The following SLC29A3 variants were observed in gnomAD, a reference collection of about 807,000 sequenced individuals.
SLC29A3 encodes the protein solute carrier family 29 member 3.
In SLC29A3, 18 loss-of-function variants were observed where a neutral mutation model predicts 25.4. The ratio of observed to expected loss-of-function variants is 0.71; its 90% CI spans 0.49 to 1.05. The LOEUF is 1.05. SLC29A3 is among the 50% of genes least tolerant of loss of function. SLC29A3 has a pLI of 0.00. For synonymous variants in SLC29A3, 258 were observed against 267.1 expected (o/e 0.97, Z 0.33); for missense variants, 586 against 609.0 (o/e 0.96, Z 0.40).
intron 4 of SLC29A3, among the ~76,000 whole-genome samples, chr10:71,377,416 A>T (rs909291890): frequency 7.2e-5 from 11 of 152,248 alleles, no homozygotes; most frequent in South Asian, 2.1e-4. Context: ...TCCTAGAGCC[A>T]GGGACTGGAC....
chr10:71,326,529 T>C (rs1845975669), intron 2 of SLC29A3, among the ~76,000 whole-genome samples: 1 of 152,222 alleles, frequency 6.6e-6, no homozygotes, highest in African/African-American at 2.4e-5. Context: ...TCACCTGGCC[T>C]ACTGGGCTTC....
intron 2 of SLC29A3, among the ~76,000 whole-genome samples, chr10:71,326,479 A>G (rs938360276): frequency 9.2e-5 from 14 of 152,144 alleles, no homozygotes; most frequent in Admixed American, 7.2e-4. Context: ...TTTATTTACC[A>G]GTGACTCCAA....
chr10:71,355,413 G>A (rs369024430), intron 4 of SLC29A3, among the ~76,000 whole-genome samples: 2 of 152,214 alleles, frequency 1.3e-5, no homozygotes, highest in African/African-American at 4.8e-5. Flanking sequence ...GGGTGGTTGC[G>A]TGCTTGTGTG....
chr10:71,321,030 CT>C (rs1845836039), intron 1 of SLC29A3, among the ~76,000 whole-genome samples: 1 of 152,152 alleles, frequency 6.6e-6, no homozygotes, highest in African/African-American at 2.4e-5. Flanking sequence ...CCTCAGACCC[CT>C]CTGTGAAATG....
chr10:71,325,040 G>A (rs915779608), intron 2 of SLC29A3, among the ~76,000 whole-genome samples: 6 of 152,170 alleles, frequency 3.9e-5, no homozygotes, highest in Non-Finnish European at 7.4e-5. Flanking sequence ...GACAAATGCC[G>A]AGATGAGATG....
chr10:71,362,103 T>C lies in SLC29A3; in HGVS notation c.923T>C (p.Leu308Pro), dbSNP rs1847072978. 3 of 1,614,182 alleles carry C rather than the reference T, an allele frequency of 1.9e-6. No homozygotes were observed. Among genetic ancestry groups the C allele is most frequent in the Non-Finnish European group, 2.5e-6 (3 of 1,180,020 alleles). ...LRPILKKTAS[L>P]GFCVTYVFFI... Reference sequence around the variant, plus strand: ...CCCATCCTGAAGAAGACGGCCAGCCTGGGCTTCTGTGTCACCTACGTCTTC... The same window carrying C: ...CCCATCCTGAAGAAGACGGCCAGCCCGGGCTTCTGTGTCACCTACGTCTTC... The change falls in exon 6 of 6, where the codon CTG (leucine) becomes CCG (proline). Residue 308 changes from leucine to proline, a missense_variant. Physicochemically the swap from Leu to Pro is moderately conservative, Grantham distance 98. Coordinates refer to ENST00000373189, the MANE Select transcript of SLC29A3 (RefSeq NM_018344.6).
intron 3 of SLC29A3, among the ~76,000 whole-genome samples, chr10:71,349,007 G>A (rs554502735): frequency 4.6e-5 from 7 of 152,192 alleles, no homozygotes; most frequent in Non-Finnish European, 1.0e-4. Context: ...GAGGGAGCTG[G>A]GGTATTTATG....
At chr10:71,329,686 G>C (rs1846075483) in intron 2 of SLC29A3, among the ~76,000 whole-genome samples, 1 of 152,170 alleles carries the variant, frequency 6.6e-6, no homozygotes, top group African/African-American at 2.4e-5. Context: ...TTGAGCCCAG[G>C]AGTTCGAGTT....
intron 4 of SLC29A3, among the ~76,000 whole-genome samples, chr10:71,377,995 C>T (rs1357707283): frequency 6.6e-6 from 1 of 150,806 alleles, no homozygotes; most frequent in Non-Finnish European, 1.5e-5. Context: ...ATGAGTCAAA[C>T]CGTGGACACT....
Position 71,333,802 on chromosome 10 carries a change from A to G in SLC29A3, c.301-10407A>G, listed in dbSNP as rs550968602. On this transcript the variant is annotated intron_variant, in intron 2 of 5. Coordinates refer to ENST00000373189, the MANE Select transcript of SLC29A3 (RefSeq NM_018344.6). ...ATCAGCAGTGGCTGAGCCTCTGATC[A>G]GCTCATCCTCAGGGAGCTTGGGGTC... Among the ~76,000 whole-genome samples, 25 of 152,372 alleles carry G rather than the reference A, an allele frequency of 1.6e-4. No homozygotes were observed. In the South Asian group the frequency reaches 5.0e-3, roughly 30 times the overall value.
At chr10:71,340,965 G>T (rs911001583) in intron 2 of SLC29A3, among the ~76,000 whole-genome samples, 2 of 152,218 alleles carry the variant, frequency 1.3e-5, no homozygotes, top group African/African-American at 4.8e-5. Flanking sequence ...GTATTTTGGA[G>T]CGGCCACAGC....
intron 2 of SLC29A3, among the ~76,000 whole-genome samples, chr10:71,323,562 TA>T (rs1242232263): frequency 6.6e-6 from 1 of 152,244 alleles, no homozygotes; most frequent in Non-Finnish European, 1.5e-5. Context: ...GGAAGTAACA[TA>T]CATTGCTCTT....
At position 71,362,328 on chromosome 10, in the gene SLC29A3, T is replaced by C. The variant is rs1228233589; in HGVS notation, c.1148T>C (p.Val383Ala). 1 of 1,614,182 alleles carries C rather than the reference T, an allele frequency of 6.2e-7. No individual in the cohort carries two copies. The highest frequency in any genetic ancestry group is 1.1e-5 in the South Asian group (1 of 91,086). Residue 383 changes from valine (V) to alanine (A), a missense_variant, in exon 6 of 6, where the codon GTG (valine) becomes GCG (alanine). By Grantham distance (64) the Val-to-Ala change is moderately conservative. Transcript: ENST00000373189. The part of the protein sequence containing the change: ...GPNSKALPGF[V>A]LLRTCLIPLF... Reference sequence around the variant, plus strand: ...AATAGCAAGGCGCTCCCAGGGTTCGTGCTCCTCCGGACCTGCCTCATCCCC... The same window carrying C: ...AATAGCAAGGCGCTCCCAGGGTTCGCGCTCCTCCGGACCTGCCTCATCCCC...
At chr10:71,334,999 T>C (rs10823723) in intron 2 of SLC29A3, among the ~76,000 whole-genome samples, 81,352 of 146,212 alleles carry the variant, frequency 0.56, 24,649 homozygotes, top group African/African-American at 0.81. Flanking sequence ...ACACTGGCAT[T>C]CCCAGCCCCT....
At chr10:71,337,930 T>C (rs1846296447) in intron 2 of SLC29A3, among the ~76,000 whole-genome samples, 1 of 152,224 alleles carries the variant, frequency 6.6e-6, no homozygotes, top group Non-Finnish European at 1.5e-5. Flanking sequence ...TCTCTCCCCT[T>C]TCCTGGTGTT....
chr10:71,338,237 C>A (rs1328908697), intron 2 of SLC29A3, among the ~76,000 whole-genome samples: 1 of 152,216 alleles, frequency 6.6e-6, no homozygotes, highest in African/African-American at 2.4e-5. Flanking sequence ...CCCACAGACA[C>A]TCTTTAACAT....
intron 1 of SLC29A3, among the ~76,000 whole-genome samples, 164 bp from the exon 2 acceptor site, chr10:71,322,592 T>C (rs1845870208): frequency 6.6e-6 from 1 of 152,192 alleles, no homozygotes; most frequent in African/African-American, 2.4e-5. Flanking sequence ...TTTGTCTTTC[T>C]CCCTGATCCT....
chr10:71,327,417 G>A (rs1845997302), intron 2 of SLC29A3, among the ~76,000 whole-genome samples: 2 of 152,180 alleles, frequency 1.3e-5, no homozygotes, highest in South Asian at 2.1e-4. Context: ...GAATTGATAA[G>A]AGAAGATGGC....
rs1439026054 is a variant in SLC29A3 at position 71,323,080 on chromosome 10, C to T, written c.300+26C>T. 29 of 1,611,720 alleles carry T rather than the reference C, an allele frequency of 1.8e-5. No individual in the cohort carries two copies. Among genetic ancestry groups the T allele is most frequent in the Non-Finnish European group, 2.5e-5 (29 of 1,179,948 alleles). ...GTAAGGGCATGTTTCTCCTGCAAGG[C>T]TGGTGGGAGCATACAGAGGCCTCAT... On this transcript the variant is annotated intron_variant, in intron 2 of 5. Coordinates refer to ENST00000373189, the MANE Select transcript of SLC29A3 (RefSeq NM_018344.6).
Sources: gnomAD v4.1 joint callset for allele counts (sites outside exome capture counted in the v4.1 genomes callset) on GRCh38, gnomAD v4.1.1 for gene constraint, MANE v1.5 for transcripts, NCBI Gene and HGNC (gene_info 2026-07-23, HGNC 2026-07-21) for gene names.